The following TMEM108 variants were observed in gnomAD, a reference collection of about 807,000 sequenced individuals.
TMEM108 encodes transmembrane protein 108.
Under a neutral mutation model 35.1 loss-of-function variants are expected in TMEM108, and 12 were observed. The ratio of observed to expected loss-of-function variants is 0.34; its 90% CI spans 0.22 to 0.55. The LOEUF (loss-of-function observed/expected upper bound fraction) is 0.55. TMEM108 is among the 20% of genes least tolerant of loss of function. TMEM108 has a pLI of 0.89. For missense variants in TMEM108, 680 were observed against 753.3 expected (o/e 0.90, Z 1.14); for synonymous variants, 287 against 308.6 (o/e 0.93, Z 0.73).
At chr3:133,332,114 A>T (rs191131661) in intron 3 of TMEM108, among the ~76,000 whole-genome samples, 40 of 148,874 alleles carry the variant, frequency 2.7e-4, no homozygotes, top group South Asian at 1.9e-3. Flanking sequence ...ACACACACAC[A>T]CTTACCTAGA....
intron 2 of TMEM108, among the ~76,000 whole-genome samples, chr3:133,172,332 T>G (rs1161566784): frequency 6.6e-6 from 1 of 152,250 alleles, no homozygotes; most frequent in African/African-American, 2.4e-5. Flanking sequence ...AGGCTAATAT[T>G]TATGAAGTCA....
intron 3 of TMEM108, among the ~76,000 whole-genome samples, chr3:133,311,727 A>T (rs1251217374): frequency 6.6e-6 from 1 of 152,234 alleles, no homozygotes; most frequent in Non-Finnish European, 1.5e-5. Flanking sequence ...CATCAAAGTC[A>T]TTCTCCGTCC....
At chr3:133,359,036 A>T (rs1051447641) in intron 3 of TMEM108, among the ~76,000 whole-genome samples, 7 of 152,178 alleles carry the variant, frequency 4.6e-5, no homozygotes, top group Non-Finnish European at 8.8e-5. Flanking sequence ...GTTCATTTAC[A>T]TCAGATCTGT....
intron 3 of TMEM108, chr3:133,248,274 C>T (rs1314513217): frequency 6.6e-6 from 1 of 152,040 alleles, no homozygotes; most frequent in Non-Finnish European, 1.5e-5. Flanking sequence ...TGTTGATAGG[C>T]ATCATTTTAA....
At chr3:133,053,318 A>G (rs1410130161) in intron 2 of TMEM108, among the ~76,000 whole-genome samples, 1 of 152,206 alleles carries the variant, frequency 6.6e-6, no homozygotes, top group Non-Finnish European at 1.5e-5. Flanking sequence ...GGAAAAATCA[A>G]TAAGAGAAAT....
chr3:133,252,164 A>G (rs1451360451), intron 3 of TMEM108, among the ~76,000 whole-genome samples: 3 of 152,168 alleles, frequency 2.0e-5, no homozygotes, highest in Non-Finnish European at 4.4e-5. Flanking sequence ...AAATATTGCT[A>G]TTCACAGGAT....
intron 3 of TMEM108, among the ~76,000 whole-genome samples, chr3:133,352,056 A>T (rs1205942910): frequency 6.6e-6 from 1 of 152,050 alleles, no homozygotes; most frequent in Non-Finnish European, 1.5e-5. Context: ...TCATTCTTAA[A>T]CTTTAAGATT....
At chr3:133,158,610 C>T (rs963025000) in intron 2 of TMEM108, among the ~76,000 whole-genome samples, 14 of 151,988 alleles carry the variant, frequency 9.2e-5, no homozygotes, top group Non-Finnish European at 1.6e-4. Context: ...GAGAAACTGC[C>T]CATCATTCTG....
intron 3 of TMEM108, among the ~76,000 whole-genome samples, chr3:133,278,663 G>T (rs1946869959): frequency 6.6e-6 from 1 of 152,094 alleles, no homozygotes; most frequent in African/African-American, 2.4e-5. Context: ...ACATAGAAAA[G>T]GTACGATGAA....
At chr3:133,310,211 A>G (rs1342305669) in intron 3 of TMEM108, among the ~76,000 whole-genome samples, 2 of 152,194 alleles carry the variant, frequency 1.3e-5, no homozygotes, top group East Asian at 1.9e-4. Context: ...GTAGATGTCT[A>G]TTAGGTCCAC....
chr3:133,180,390 A>C (rs1393975427), intron 2 of TMEM108, among the ~76,000 whole-genome samples: 1 of 152,148 alleles, frequency 6.6e-6, no homozygotes, highest in African/African-American at 2.4e-5. Context: ...TTCTGGAAGA[A>C]GGCCTCAAGT....
At chr3:133,085,361 A>G (rs1943868473) in intron 2 of TMEM108, among the ~76,000 whole-genome samples, 3 of 152,162 alleles carry the variant, frequency 2.0e-5, no homozygotes, top group Admixed American at 2.0e-4. Flanking sequence ...CTTGCCCACT[A>G]TGGTGCTTAT....
At chr3:133,282,166 T>A (rs972399615) in intron 3 of TMEM108, among the ~76,000 whole-genome samples, 8 of 152,024 alleles carry the variant, frequency 5.3e-5, no homozygotes, top group South Asian at 2.1e-4. Context: ...CAAAAAAAAA[T>A]AAATAAAATA....
intron 3 of TMEM108, among the ~76,000 whole-genome samples, chr3:133,338,926 A>G (rs960605198): frequency 6.6e-6 from 1 of 151,984 alleles, no homozygotes; most frequent in African/African-American, 2.4e-5. Context: ...TGCAAGCCTC[A>G]TGGTAGCCTC....
intron 2 of TMEM108, among the ~76,000 whole-genome samples, chr3:133,215,805 T>C (rs993503988): frequency 6.6e-6 from 1 of 152,146 alleles, no homozygotes; most frequent in African/African-American, 2.4e-5. Context: ...CATTTAAATA[T>C]CTGATCGATT....
chr3:133,372,888 C>A (rs2072717197), intron 3 of TMEM108, among the ~76,000 whole-genome samples: 1 of 152,234 alleles, frequency 6.6e-6, no homozygotes, highest in African/African-American at 2.4e-5. Flanking sequence ...GAAGTGAAGT[C>A]ACAGGCATGG....
At chr3:133,348,000 A>G (rs1031168644) in intron 3 of TMEM108, among the ~76,000 whole-genome samples, 1 of 152,120 alleles carries the variant, frequency 6.6e-6, no homozygotes, top group Non-Finnish European at 1.5e-5. Flanking sequence ...TTGAAATCCA[A>G]ATCAAAATTC....
intron 3 of TMEM108, among the ~76,000 whole-genome samples, chr3:133,345,404 T>A (rs894738629): frequency 2.0e-5 from 3 of 151,804 alleles, no homozygotes; most frequent in African/African-American, 7.2e-5. Flanking sequence ...CTCAATTAAA[T>A]GTAGAAAGAT....
At chr3:133,196,172 T>C (rs1945573893) in intron 2 of TMEM108, among the ~76,000 whole-genome samples, 1 of 152,188 alleles carries the variant, frequency 6.6e-6, no homozygotes, top group African/African-American at 2.4e-5. Context: ...TGTGTTCTAA[T>C]TGGAGCAGCA....
Sources: gnomAD v4.1 joint callset for allele counts (sites outside exome capture counted in the v4.1 genomes callset) on GRCh38, gnomAD v4.1.1 for gene constraint, MANE v1.5 for transcripts, NCBI Gene and HGNC (gene_info 2026-07-23, HGNC 2026-07-21) for gene names.